The following CDH13 variants were observed in gnomAD, a reference collection of about 807,000 sequenced individuals.
The protein encoded by CDH13 is cadherin 13.
A neutral mutation model predicts 63.8 loss-of-function variants in CDH13; 24 were observed. That is an observed-to-expected ratio of 0.38 (90% CI 0.27 to 0.53). CDH13 has a LOEUF of 0.53. CDH13 is among the 20% of genes least tolerant of loss of function. The pLI is 0.85. For synonymous variants in CDH13, 503 were observed against 355.3 expected (o/e 1.42, Z -4.67); for missense variants, 1,049 against 903.1 (o/e 1.16, Z -2.07).
At chr16:83,583,119 A>T (rs1044959693) in intron 7 of CDH13, among the ~76,000 whole-genome samples, 3 of 152,132 alleles carry the variant, frequency 2.0e-5, no homozygotes, top group African/African-American at 7.2e-5. Context: ...TTCCAGCTGC[A>T]AAGCTCCAGT....
intron 4 of CDH13, among the ~76,000 whole-genome samples, chr16:83,168,847 CATG>C (rs1428303500): frequency 1.3e-5 from 2 of 152,050 alleles, no homozygotes; most frequent in Non-Finnish European, 2.9e-5. Flanking sequence ...TCTTCCAAAC[CATG>C]ATATTTAATG....
At chr16:83,734,756 A>AATAAT in intron 10 of CDH13, among the ~76,000 whole-genome samples, 1 of 53,030 alleles carries the variant, frequency 1.9e-5, no homozygotes, top group East Asian at 3.2e-4. Context: ...ATAATAATAA[A>AATAAT]AACAGGGATT....
At chr16:82,869,157 A>G (rs1269467008) in intron 2 of CDH13, among the ~76,000 whole-genome samples, 3 of 152,042 alleles carry the variant, frequency 2.0e-5, no homozygotes, top group East Asian at 3.9e-4. Context: ...AGCTATTCTC[A>G]TGCCTCAGCC....
chr16:82,797,091 C>G (rs896028177), intron 1 of CDH13, among the ~76,000 whole-genome samples: 1 of 152,150 alleles, frequency 6.6e-6, no homozygotes, highest in Non-Finnish European at 1.5e-5. Flanking sequence ...AAAATTTGAC[C>G]TCAAAGCTGA....
At chr16:82,684,063 G>A (rs1194931388) in intron 1 of CDH13, among the ~76,000 whole-genome samples, 1 of 152,224 alleles carries the variant, frequency 6.6e-6, no homozygotes, top group Non-Finnish European at 1.5e-5. Flanking sequence ...GCAACCAAAT[G>A]ATCAAGGAAG....
chr16:82,797,980 A>G (rs961541171), intron 1 of CDH13, among the ~76,000 whole-genome samples: 1 of 152,164 alleles, frequency 6.6e-6, no homozygotes, highest in Non-Finnish European at 1.5e-5. Context: ...TGTCACCACG[A>G]TGGATCCAGA....
intron 7 of CDH13, among the ~76,000 whole-genome samples, chr16:83,548,335 G>C (rs1050010559): frequency 6.6e-6 from 1 of 152,140 alleles, no homozygotes; most frequent in Admixed American, 6.5e-5. Context: ...AACTGGCTGG[G>C]AGATTGGTGG....
Position 83,702,785 on chromosome 16 carries a change from A to G in CDH13, c.1538+24324A>G, listed in dbSNP as rs571921305. Among the ~76,000 whole-genome samples, 4 of 152,318 alleles carry G rather than the reference A, an allele frequency of 2.6e-5. No individual in the cohort carries two copies. The South Asian group carries it at 8.3e-4, about 32-fold the overall frequency. On this transcript the variant is annotated intron_variant, in intron 10 of 13. Coordinates refer to ENST00000567109, the MANE Select transcript of CDH13 (RefSeq NM_001257.5). ...GTGGGGAGGGGCTTTCCAAGCACAG[A>G]TGATAGGAGATGCAAAGGTACAGAG... is the stretch of plus-strand genomic sequence containing the variant.
intron 7 of CDH13, among the ~76,000 whole-genome samples, chr16:83,582,383 G>GT (rs991870664): frequency 1.1e-4 from 16 of 152,090 alleles, no homozygotes; most frequent in South Asian, 4.2e-4. Context: ...CTTTGGAGAG[G>GT]TTTTTTTTGT....
At chr16:83,014,456 G>T (rs997730676) in intron 2 of CDH13, among the ~76,000 whole-genome samples, 30 of 151,334 alleles carry the variant, frequency 2.0e-4, no homozygotes, top group African/African-American at 7.0e-4. Context: ...ATTTGTGGCC[G>T]ACCATGGTGG....
At chr16:83,358,154 T>C (rs1222013702) in intron 6 of CDH13, among the ~76,000 whole-genome samples, 1 of 152,198 alleles carries the variant, frequency 6.6e-6, no homozygotes, top group Non-Finnish European at 1.5e-5. Flanking sequence ...GTATGAAGAC[T>C]GTATTGCTCA....
At chr16:82,819,431 C>T (rs756241350) in intron 1 of CDH13, among the ~76,000 whole-genome samples, 1 of 152,134 alleles carries the variant, frequency 6.6e-6, no homozygotes, top group Non-Finnish European at 1.5e-5. Context: ...GAAGTCCTCC[C>T]CCTTTTGTTA....
At chr16:83,546,974 C>T (rs74965744) in intron 7 of CDH13, among the ~76,000 whole-genome samples, 3,300 of 152,268 alleles carry the variant, frequency 0.022, 140 homozygotes, top group African/African-American at 0.076. Context: ...GGGACACCTC[C>T]GGTCCTGAAC....
At chr16:83,705,589 T>G (rs1316554995) in intron 10 of CDH13, among the ~76,000 whole-genome samples, 1 of 152,142 alleles carries the variant, frequency 6.6e-6, no homozygotes, top group African/African-American at 2.4e-5. Flanking sequence ...GCCACTGCAC[T>G]CCAGCGTGGG....
chr16:82,868,275 T>C (rs911933031), intron 2 of CDH13, among the ~76,000 whole-genome samples: 1 of 152,168 alleles, frequency 6.6e-6, no homozygotes, highest in African/African-American at 2.4e-5. Context: ...AATAAGAGTT[T>C]TTCCTATATT....
intron 2 of CDH13, among the ~76,000 whole-genome samples, chr16:82,951,358 A>T (rs1207374008): frequency 6.6e-6 from 1 of 152,124 alleles, no homozygotes; most frequent in East Asian, 1.9e-4. Flanking sequence ...GCTTCCTATA[A>T]GGTGTTCTGT....
At chr16:83,362,223 A>G (rs1369498904) in intron 6 of CDH13, among the ~76,000 whole-genome samples, 1 of 152,134 alleles carries the variant, frequency 6.6e-6, no homozygotes, top group Non-Finnish European at 1.5e-5. Flanking sequence ...ACCCCTTCAT[A>G]AATTTCCACG....
At chr16:83,103,330 A>G (rs2034600166) in intron 3 of CDH13, among the ~76,000 whole-genome samples, 1 of 136,114 alleles carries the variant, frequency 7.3e-6, no homozygotes, top group Non-Finnish European at 1.5e-5. Context: ...CACTGCAACC[A>G]GTGCCTCCAG....
chr16:82,694,878 C>T lies in CDH13; in HGVS notation c.45+67741C>T, dbSNP rs532324922. 7.2e-5 allele frequency among the ~76,000 whole-genome samples: 11 copies of T among 152,200 alleles called. No homozygotes were observed. The South Asian group carries it at 1.2e-3, about 17-fold the overall frequency. On this transcript the variant is annotated intron_variant, in intron 1 of 13. Transcript: ENST00000567109. Reference sequence around the variant, plus strand: ...AAAGGAGGAGTGCCTATAAAGGAGGCGCCTTGGGTATTCTTACTGAGCATA... The same window carrying T: ...AAAGGAGGAGTGCCTATAAAGGAGGTGCCTTGGGTATTCTTACTGAGCATA...
Sources: gnomAD v4.1 joint callset for allele counts (sites outside exome capture counted in the v4.1 genomes callset) on GRCh38, gnomAD v4.1.1 for gene constraint, MANE v1.5 for transcripts, NCBI Gene and HGNC (gene_info 2026-07-23, HGNC 2026-07-21) for gene names.